Variants in ZDBF2 observed in about 807,000 individuals in gnomAD.
ZDBF2 encodes the protein DBF4-type zinc finger-containing protein 2.
ZDBF2 carries 6 observed loss-of-function variants against 9.4 expected under a neutral mutation model. That is an observed-to-expected ratio of 0.64 (90% CI 0.35 to 1.27). The LOEUF is 1.27. ZDBF2 is among the 50% of genes most tolerant of loss of function. ZDBF2 has a pLI of 0.03. For synonymous variants in ZDBF2, 905 were observed against 946.3 expected (o/e 0.96, Z 0.80); for missense variants, 2,697 against 2,766.8 (o/e 0.97, Z 0.57).
chr2:206,277,386 G>A (rs1037216434), intron 1 of ZDBF2, among the ~76,000 whole-genome samples: 3 of 151,622 alleles, frequency 2.0e-5, no homozygotes, highest in African/African-American at 4.8e-5. Flanking sequence ...CATCTGGGTA[G>A]CTCAGAAATC....
In ZDBF2 at chr2:206,305,516, C is replaced by T. The variant is rs761607206; in HGVS notation, c.988C>T (p.His330Tyr). The T allele has an allele frequency of 1.2e-6, 2 of 1,613,456 alleles. No homozygotes were observed. The highest frequency in any genetic ancestry group is 1.7e-6 in the Non-Finnish European group (2 of 1,179,764). Residue 330 changes from histidine (H) to tyrosine (Y), a missense_variant, in exon 5 of 5, where the codon CAT (histidine) becomes TAT (tyrosine). His to Tyr is a moderately conservative substitution (Grantham distance 83). Coordinates refer to ENST00000374423, the MANE Select transcript of ZDBF2 (RefSeq NM_020923.3). ...CTTTGAAGATACTATTGCAAAGAACCATGAGGAATTCTTTTCTAACATGGA... is the reference window on the plus strand; with the variant it reads ...CTTTGAAGATACTATTGCAAAGAACTATGAGGAATTCTTTTCTAACATGGA... ...GIFEDTIAKNHEEFFSNMDCT... is the reference protein window; with the variant it reads ...GIFEDTIAKNYEEFFSNMDCT...
chr2:206,311,561 GCAAA>G lies in ZDBF2; in HGVS notation c.7039_7042del (p.Lys2347Ter), dbSNP rs1007854263. On this transcript the variant is annotated frameshift_variant, in exon 5 of 5. Coordinates refer to ENST00000374423, the MANE Select transcript of ZDBF2 (RefSeq NM_020923.3). LOFTEE classifies it low-confidence loss of function (END_TRUNC). ...ACGTGAGAGAATGATGACTCGGCTA[GCAAA>G]CAAACTGAGAGGTAATGAGGTAAAA... 2 of 1,523,414 alleles carry G rather than the reference GCAAA, an allele frequency of 1.3e-6. No individual in the cohort carries two copies. The highest frequency in any genetic ancestry group is 1.4e-5 in the African/African-American group (1 of 71,886). 94.4% of individuals were successfully genotyped at this position (1,523,414 alleles called of 1,614,324 possible). A position where few individuals can be genotyped will look rare whatever the true frequency, so the allele number is the denominator to read the frequency against.
rs762320409 is a variant in ZDBF2, at chr2:206,305,322, A to G, written c.794A>G (p.Asn265Ser). ...KESNRKSLRM[N>S]SDKLVLWKDV... is the part of the protein sequence containing the mutation. ...TCAAATAGGAAATCTTTACGCATGA[A>G]TTCAGATAAGTTGGTTTTGTGGAAA... Residue 265 changes from asparagine to serine, a missense_variant, in exon 5 of 5, where the codon AAT becomes AGT. Coordinates refer to ENST00000374423, the MANE Select transcript of ZDBF2 (RefSeq NM_020923.3). The G allele has an allele frequency of 6.2e-7, 1 of 1,612,192 alleles. No homozygotes were observed. Among genetic ancestry groups the G allele is most frequent in the African/African-American group, 1.3e-5 (1 of 74,900 alleles).
At chr2:206,302,058 G>A (rs939514331) in intron 4 of ZDBF2, among the ~76,000 whole-genome samples, 2 of 151,890 alleles carry the variant, frequency 1.3e-5, no homozygotes, top group Non-Finnish European at 2.9e-5. Context: ...GGCCCAGGCT[G>A]GAGTGCAGGG....
At chr2:206,293,033 G>GA (rs1427857756) in intron 3 of ZDBF2, among the ~76,000 whole-genome samples, 2 of 152,048 alleles carry the variant, frequency 1.3e-5, no homozygotes, top group African/African-American at 4.8e-5. Flanking sequence ...AGAACAAAGT[G>GA]AATAGATGTC....
chr2:206,300,388 C>T (rs1692438655), intron 4 of ZDBF2, among the ~76,000 whole-genome samples: 1 of 152,140 alleles, frequency 6.6e-6, no homozygotes, highest in African/African-American at 2.4e-5. Flanking sequence ...GTTTTTAAGA[C>T]CATGATACTT....
rs781144606 is a variant in ZDBF2 at position 206,305,829 on chromosome 2, T to A, written c.1301T>A (p.Val434Glu). ...SAKEVNLSKE[V>E]RTDVQYKNNK... is the part of the protein sequence containing the mutation. ...AAAGAAGTAAACCTTTCCAAGGAAG[T>A]ACGTACTGATGTACAGTATAAGAAT... Residue 434 changes from valine (V) to glutamate (E), a missense_variant, in exon 5 of 5, where the codon GTA becomes GAA. By Grantham distance (121) the Val-to-Glu change is moderately radical. Coordinates refer to ENST00000374423, the MANE Select transcript of ZDBF2 (RefSeq NM_020923.3). 1 of 1,613,546 alleles carries A rather than the reference T, an allele frequency of 6.2e-7. No homozygotes were observed. The highest frequency in any genetic ancestry group is 1.1e-5 in the South Asian group (1 of 91,042).
rs1693221709 is a variant in ZDBF2 at position 206,312,070 on chromosome 2, G to T, written c.*477G>T. 6.6e-6 allele frequency: 1 copy of T among 152,158 alleles called. No individual in the cohort carries two copies. Among genetic ancestry groups the T allele is most frequent in the African/African-American group, 2.4e-5 (1 of 41,430 alleles). The allele number at this position is 152,158 out of a possible 1,614,324, so 9.4% of individuals were successfully genotyped here. On this transcript the variant is annotated 3_prime_UTR_variant, in exon 5 of 5. Coordinates refer to ENST00000374423, the MANE Select transcript of ZDBF2 (RefSeq NM_020923.3). ...CTTTTTAAAGCATTCCAGAAAATGA[G>T]ATTCCATAATCTTTAATACAGTTTT...
chr2:206,289,893 G>A (rs976800892), intron 3 of ZDBF2, among the ~76,000 whole-genome samples: 17 of 152,100 alleles, frequency 1.1e-4, no homozygotes, highest in Admixed American at 1.3e-4. Flanking sequence ...GTTGGGAATG[G>A]GGTGGTGGAG....
chr2:206,295,495 C>G (rs1429758478), intron 3 of ZDBF2, among the ~76,000 whole-genome samples: 3 of 151,760 alleles, frequency 2.0e-5, no homozygotes, highest in Non-Finnish European at 4.4e-5. Flanking sequence ...TCCCAAGTAG[C>G]TAGGACTACA....
intron 3 of ZDBF2, among the ~76,000 whole-genome samples, chr2:206,295,363 C>CTTTTTTT (rs571707187): frequency 1.7e-4 from 19 of 110,982 alleles, no homozygotes; most frequent in African/African-American, 4.4e-4. Flanking sequence ...CTTTTCTTTT[C>CTTTTTTT]TTTTTTTTTT....
intron 3 of ZDBF2, among the ~76,000 whole-genome samples, chr2:206,291,866 T>C (rs960773291): frequency 2.6e-5 from 4 of 152,088 alleles, no homozygotes; most frequent in African/African-American, 9.7e-5. Context: ...CCATATCTAG[T>C]GAAGTATTTA....
chr2:206,275,810 A>G (rs1005410593), intron 1 of ZDBF2, among the ~76,000 whole-genome samples: 1 of 152,206 alleles, frequency 6.6e-6, no homozygotes, highest in African/African-American at 2.4e-5. Context: ...TAATTAATAC[A>G]CAAACATATA....
chr2:206,308,394 C>A lies in ZDBF2; in HGVS notation c.3866C>A (p.Ser1289Tyr). ...ACAGATTCCAGAATAAATTTTGATT[C>A]TCATGAACCCCTTCAGTCCGTAACT... ...KPTDSRINFD[S>Y]HEPLQSVTNK... Residue 1289 changes from serine to tyrosine, a missense_variant, in exon 5 of 5, where the codon TCT becomes TAT. Around this residue, in one of 3 missense-constraint regions of ZDBF2, gnomAD observed 1,783 missense variants for 1,776.5 expected, o/e 1.00. Coordinates refer to ENST00000374423, the MANE Select transcript of ZDBF2 (RefSeq NM_020923.3). 8 of 1,612,562 alleles carry A rather than the reference C, an allele frequency of 5.0e-6. No homozygotes were observed. Among genetic ancestry groups the A allele is most frequent in the Non-Finnish European group, 6.8e-6 (8 of 1,179,536 alleles).
At chr2:206,297,493 T>G (rs1692253037) in intron 4 of ZDBF2, 120 bp downstream of exon 4, 1 of 1,004,942 alleles carries the variant, frequency 1.0e-6, no homozygotes, top group African/African-American at 1.7e-5. Context: ...AAGTAAAATT[T>G]TAGTAACTTT....
chr2:206,308,016 A>T lies in ZDBF2; in HGVS notation c.3488A>T (p.Asp1163Val), dbSNP rs1224552194. Reference protein sequence around the residue: ...SQYSCSEMNLDSGFLGQSIVN... With the variant: ...SQYSCSEMNLVSGFLGQSIVN... ...TATAGTTGTTCAGAAATGAATTTGG[A>T]TTCTGGTTTCTTGGGTCAGTCAATA... is the stretch of plus-strand genomic sequence containing the variant. Residue 1163 changes from aspartate to valine, a missense_variant, in exon 5 of 5, where the codon GAT (aspartate) becomes GTT (valine). Transcript: ENST00000374423. 1 of 1,613,884 alleles carries T rather than the reference A, an allele frequency of 6.2e-7. No individual in the cohort carries two copies. Among genetic ancestry groups the T allele is most frequent in the South Asian group, 1.1e-5 (1 of 91,058 alleles).
intron 3 of ZDBF2, among the ~76,000 whole-genome samples, chr2:206,287,215 T>C (rs1163634516): frequency 6.6e-6 from 1 of 152,248 alleles, no homozygotes; most frequent in Non-Finnish European, 1.5e-5. Flanking sequence ...TTGTCTTTTT[T>C]GCTTGCCAGA....
At chr2:206,275,766 G>A (rs1690965120) in intron 1 of ZDBF2, among the ~76,000 whole-genome samples, 1 of 152,166 alleles carries the variant, frequency 6.6e-6, no homozygotes, top group Non-Finnish European at 1.5e-5. Flanking sequence ...GAGAGAATCT[G>A]CTAACAATTT....
At chr2:206,298,044 G>A (rs148734160) in intron 4 of ZDBF2, among the ~76,000 whole-genome samples, 44 of 152,258 alleles carry the variant, frequency 2.9e-4, no homozygotes, top group African/African-American at 9.6e-4. Flanking sequence ...GGACAATCAA[G>A]TCAAAACTGA....
Sources: gnomAD v4.1 joint callset for allele counts (sites outside exome capture counted in the v4.1 genomes callset) on GRCh38, gnomAD v4.1.1 for gene constraint, gnomAD v4.1.1 regional missense constraint, MANE v1.5 for transcripts, NCBI Gene and HGNC (gene_info 2026-07-23, HGNC 2026-07-21) for gene names.